SPECC1L: variants seen among roughly 807,000 people sequenced by gnomAD.
SPECC1L encodes cytospin-A.
Under a neutral mutation model 116.8 loss-of-function variants are expected in SPECC1L, and 40 were observed. The observed-to-expected ratio is 0.34, with a 90% CI of 0.27 to 0.45. The LOEUF is 0.45. Ranked by LOEUF, SPECC1L falls within the 20% of genes least tolerant of loss-of-function variation. SPECC1L has a pLI of 1.00. For synonymous variants in SPECC1L, 504 were observed against 500.6 expected (o/e 1.01, Z -0.09); for missense variants, 1,110 against 1,373.6 (o/e 0.81, Z 3.03).
intron 3 of SPECC1L, among the ~76,000 whole-genome samples, chr22:24,310,984 G>C (rs1461651989): frequency 1.3e-5 from 2 of 152,094 alleles, no homozygotes; most frequent in Non-Finnish European, 2.9e-5. Context: ...TGCCCCCTTG[G>C]TGTATACACT....
intron 13 of SPECC1L, among the ~76,000 whole-genome samples, chr22:24,366,031 C>T (rs865956952): frequency 6.6e-5 from 10 of 151,666 alleles, no homozygotes; most frequent in Admixed American, 2.6e-4. Context: ...TGAGGGGATG[C>T]ACCAAAGGGA....
rs750662784 is a variant in SPECC1L, at chr22:24,288,577, T to C, written c.-38+11774T>C. On this transcript the variant is annotated intron_variant, in intron 2 of 16. Coordinates refer to ENST00000314328, the MANE Select transcript of SPECC1L (RefSeq NM_015330.6). ...TGAATTTGAATTCTATTTTAACTTATTTAGTTTAGAAAGACTTCTCAAATC... is the reference window on the plus strand; with the variant it reads ...TGAATTTGAATTCTATTTTAACTTACTTAGTTTAGAAAGACTTCTCAAATC... 3.5e-4 allele frequency among the ~76,000 whole-genome samples: 53 copies of C among 151,622 alleles called. 1 individual carries two copies. Among genetic ancestry groups the C allele is most frequent in the Non-Finnish European group, 2.7e-4 (18 of 67,882 alleles).
At position 24,324,227 on chromosome 22, in the gene SPECC1L, A is replaced by T; in HGVS notation, c.1946A>T (p.Asp649Val). 6.2e-7 allele frequency: 1 copy of T among 1,613,742 alleles called. No individual in the cohort carries two copies. Among genetic ancestry groups the T allele is most frequent in the Admixed American group, 1.7e-5 (1 of 60,022 alleles). Residue 649 changes from aspartate (D) to valine (V), a missense_variant, in exon 6 of 17, where the codon GAT (aspartate) becomes GTT (valine). By Grantham distance (152) the Asp-to-Val change is radical. Around this residue, in one of 4 missense-constraint regions of SPECC1L, gnomAD observed 575 missense variants for 682.4 expected, o/e 0.84. Transcript: ENST00000314328. Reference sequence around the variant, plus strand: ...ATCGTCAATTTTACGTAGGTAGAGGATGAATACCGAGCCTTCCAAGAAGAA... The same window carrying T: ...ATCGTCAATTTTACGTAGGTAGAGGTTGAATACCGAGCCTTCCAAGAAGAA... ...RLQDAIAKVE[D>V]EYRAFQEEAK...
In SPECC1L at chr22:24,336,347, A is replaced by G. The variant is rs150660820; in HGVS notation, c.2560+1774A>G. ...GTTTTTTTAAGGTACTTAGATAACTAAATGTTTTTGCATTTAAAGTGCAAG... is the reference window on the plus strand; with the variant it reads ...GTTTTTTTAAGGTACTTAGATAACTGAATGTTTTTGCATTTAAAGTGCAAG... On this transcript the variant is annotated intron_variant, in intron 9 of 16. Transcript: ENST00000314328. 9.8e-4 allele frequency among the ~76,000 whole-genome samples: 149 copies of G among 152,202 alleles called. 1 individual carries two copies. Among genetic ancestry groups the G allele is most frequent in the African/African-American group, 3.4e-3 (143 of 41,522 alleles).
intron 2 of SPECC1L, among the ~76,000 whole-genome samples, chr22:24,291,416 A>G (rs117276314): frequency 2.0e-5 from 3 of 152,308 alleles, no homozygotes; most frequent in Non-Finnish European, 4.4e-5. Context: ...ACTCCATACT[A>G]TGTATTTTCA....
chr22:24,274,376 T>A (rs1389662114), intron 1 of SPECC1L, among the ~76,000 whole-genome samples: 1 of 152,236 alleles, frequency 6.6e-6, no homozygotes, highest in East Asian at 1.9e-4. Flanking sequence ...TAATTTCAAG[T>A]AAGATTTAGA....
chr22:24,329,985 T>A (rs1241768093), intron 7 of SPECC1L, among the ~76,000 whole-genome samples: 1 of 152,208 alleles, frequency 6.6e-6, no homozygotes, highest in Non-Finnish European at 1.5e-5. Flanking sequence ...TTGACATTAT[T>A]ATCATTAATA....
At chr22:24,279,303 G>A (rs1019561677) in intron 2 of SPECC1L, among the ~76,000 whole-genome samples, 2 of 152,182 alleles carry the variant, frequency 1.3e-5, no homozygotes, top group African/African-American at 4.8e-5. Flanking sequence ...ACCTGGTTGC[G>A]CCTGTGCTGA....
At chr22:24,286,861 T>C (rs1444736562) in intron 2 of SPECC1L, among the ~76,000 whole-genome samples, 10 of 152,280 alleles carry the variant, frequency 6.6e-5, no homozygotes. Context: ...TGAGCTGAGA[T>C]CGCGCCACTG....
chr22:24,288,257 C>G (rs1284085869), intron 2 of SPECC1L, among the ~76,000 whole-genome samples: 1 of 152,094 alleles, frequency 6.6e-6, no homozygotes, highest in African/African-American at 2.4e-5. Flanking sequence ...CTGTATAATT[C>G]TTTGTCGTGG....
chr22:24,397,280 G>T (rs2042387359), intron 14 of SPECC1L, among the ~76,000 whole-genome samples: 1 of 152,154 alleles, frequency 6.6e-6, no homozygotes, highest in Admixed American at 6.5e-5. Flanking sequence ...TCATCGTAAG[G>T]TGAGCACACT....
Position 24,334,497 on chromosome 22 carries a change from T to C in SPECC1L, c.2484T>C (p.Ser828=). 1 of 1,614,066 alleles carries C rather than the reference T, an allele frequency of 6.2e-7. No homozygotes were observed. The highest frequency in any genetic ancestry group is 8.5e-7 in the Non-Finnish European group (1 of 1,179,970). Residue 828 remains serine, a synonymous_variant, in exon 9 of 17, where the codon AGT becomes AGC. Transcript: ENST00000314328. ...CCTTAAGGCAGGGAATGGGACTGAG[T>C]AGAAGGTCCTCGACTTCCTCAGAGC... The part of the protein sequence containing the change: ...LAALRQGMGL[S]RRSSTSSEPT...
intron 9 of SPECC1L, among the ~76,000 whole-genome samples, chr22:24,335,552 A>G (rs1193436265): frequency 6.6e-6 from 1 of 152,210 alleles, no homozygotes; most frequent in Non-Finnish European, 1.5e-5. Context: ...TGGTTTTTTC[A>G]AACAGTTAAT....
chr22:24,277,579 C>G (rs1481148398), intron 2 of SPECC1L, among the ~76,000 whole-genome samples: 4 of 152,228 alleles, frequency 2.6e-5, no homozygotes, highest in Admixed American at 6.5e-5. Flanking sequence ...ATCTTTGTGT[C>G]TCTATGGATT....
intron 13 of SPECC1L, among the ~76,000 whole-genome samples, chr22:24,368,471 A>G (rs2146644112): frequency 6.6e-6 from 1 of 152,390 alleles, no homozygotes; most frequent in Non-Finnish European, 1.5e-5. Flanking sequence ...CATGGAAGTT[A>G]CAAATATTGT....
chr22:24,411,777 GC>G, intron 15 of SPECC1L, 73 bp downstream of exon 15: 6 of 1,230,784 alleles, frequency 4.9e-6, no homozygotes, highest in Non-Finnish European at 6.0e-6. Flanking sequence ...GGCAGCACCT[GC>G]CTCAGCAGGT....
At chr22:24,395,792 C>T (rs1335739884) in intron 14 of SPECC1L, among the ~76,000 whole-genome samples, 5 of 152,170 alleles carry the variant, frequency 3.3e-5, no homozygotes, top group African/African-American at 4.8e-5. Flanking sequence ...GCATGCACCA[C>T]CACGTCTGGC....
At chr22:24,387,821 A>G (rs1268971115) in intron 14 of SPECC1L, among the ~76,000 whole-genome samples, 1 of 152,204 alleles carries the variant, frequency 6.6e-6, no homozygotes, top group Non-Finnish European at 1.5e-5. Context: ...TTACTGGACT[A>G]AAATCAAGGT....
chr22:24,272,484 C>A (rs934822681), intron 1 of SPECC1L, among the ~76,000 whole-genome samples: 1 of 152,024 alleles, frequency 6.6e-6, no homozygotes, highest in Non-Finnish European at 1.5e-5. Context: ...ACCAGCCTGG[C>A]CAACATGGTG....
Sources: allele counts gnomAD v4.1 joint callset (sites outside exome capture counted in the v4.1 genomes callset), GRCh38; gene constraint gnomAD v4.1.1; regional missense constraint gnomAD v4.1.1; transcripts MANE v1.5; gene names NCBI Gene and HGNC (gene_info 2026-07-23, HGNC 2026-07-21).